STAC: variants seen among roughly 807,000 people sequenced by gnomAD.
STAC encodes SH3 and cysteine rich domain, also known as SH3 and cysteine-rich domain-containing protein.
STAC carries 43 observed loss-of-function variants against 48.8 expected under a neutral mutation model. The ratio of observed to expected loss-of-function variants is 0.88; its 90% confidence interval spans 0.69 to 1.14. The LOEUF (loss-of-function observed/expected upper bound fraction) is 1.14. Among genes scored for constraint, STAC ranks in the 50% most tolerant of loss-of-function variants. The probability of loss-of-function intolerance (pLI) is 0.00; values close to 1 mark genes in which losing one functional copy is unlikely to be tolerated. For synonymous variants in STAC, 193 were observed against 179.5 expected (o/e 1.07, Z -0.60); for missense variants, 497 against 504.0 (o/e 0.99, Z 0.13).
At chr3:36,519,919 A>G (rs1316820677) in intron 8 of STAC, among the ~76,000 whole-genome samples, 1 of 152,242 alleles carries the variant, frequency 6.6e-6, no homozygotes, top group Non-Finnish European at 1.5e-5. Context: ...AACTGACTAT[A>G]TTCCACCAGG....
rs1294345012 is a variant in STAC, at chr3:36,380,683, G to C, written c.40G>C (p.Gly14Arg). 1.9e-6 allele frequency: 3 copies of C among 1,608,898 alleles called. No individual in the cohort carries two copies. The African/African-American group carries it at 4.0e-5, about 21-fold the overall frequency. ...PSSPREDGVD[G>R]LPKEAVGAEQ... ...CAGCCCCCGCGAGGACGGCGTGGAC[G>C]GGCTGCCCAAGGAGGCGGTGGGCGC... Residue 14 changes from glycine to arginine, a missense_variant, in exon 1 of 11, where the codon GGG becomes CGG. Coordinates refer to ENST00000273183, the MANE Select transcript of STAC (RefSeq NM_003149.3).
chr3:36,420,019 T>C (rs1024116019), intron 1 of STAC, among the ~76,000 whole-genome samples: 4 of 152,230 alleles, frequency 2.6e-5, no homozygotes, highest in African/African-American at 7.2e-5. Flanking sequence ...CCATATGAAC[T>C]TTTTTCCTGA....
intron 2 of STAC, among the ~76,000 whole-genome samples, chr3:36,445,225 T>G (rs922658527): frequency 3.2e-4 from 48 of 152,160 alleles, no homozygotes; most frequent in Non-Finnish European, 6.8e-4. Context: ...ACAACAACAA[T>G]TTTGAAAGAC....
chr3:36,510,799 G>T (rs1189729663), intron 8 of STAC, among the ~76,000 whole-genome samples: 1 of 152,016 alleles, frequency 6.6e-6, no homozygotes, highest in Non-Finnish European at 1.5e-5. Flanking sequence ...ATACACTGGG[G>T]CCTGTTGGGG....
chr3:36,497,507 G>A (rs548605576), intron 6 of STAC, among the ~76,000 whole-genome samples: 183 of 152,254 alleles, frequency 1.2e-3, no homozygotes, highest in African/African-American at 4.3e-3. Flanking sequence ...CCTTAGCTTG[G>A]GAAATAATAG....
At chr3:36,512,708 T>C (rs557835192) in intron 8 of STAC, among the ~76,000 whole-genome samples, 10 of 152,138 alleles carry the variant, frequency 6.6e-5, no homozygotes, top group Non-Finnish European at 4.4e-5. Flanking sequence ...TTCAAGGCAA[T>C]CAGGACTATC....
At chr3:36,504,621 T>C (rs1470908827) in intron 7 of STAC, among the ~76,000 whole-genome samples, 164 bp downstream of exon 7, 3 of 152,252 alleles carry the variant, frequency 2.0e-5, no homozygotes, top group Non-Finnish European at 4.4e-5. Context: ...TAAACAGAAC[T>C]AGCACAGTGC....
intron 5 of STAC, 80 bp from the exon 6 acceptor site, chr3:36,493,071 C>T: frequency 7.3e-7 from 1 of 1,371,160 alleles, no homozygotes; most frequent in Non-Finnish European, 1.0e-6. Flanking sequence ...TCTACCTAAG[C>T]TCTCTTACAC....
chr3:36,527,330 G>A (rs563367545), intron 8 of STAC, among the ~76,000 whole-genome samples: 1 of 152,176 alleles, frequency 6.6e-6, no homozygotes, highest in South Asian at 2.1e-4. Flanking sequence ...CATCCATGAT[G>A]GAAAGCCACT....
chr3:36,391,630 T>C (rs186593935), intron 1 of STAC, among the ~76,000 whole-genome samples: 2 of 152,270 alleles, frequency 1.3e-5, no homozygotes, highest in Admixed American at 6.5e-5. Flanking sequence ...AGCTCCTCCA[T>C]AGAGAAGCAT....
At chr3:36,418,112 A>T (rs1700360422) in intron 1 of STAC, among the ~76,000 whole-genome samples, 1 of 152,046 alleles carries the variant, frequency 6.6e-6, no homozygotes, top group African/African-American at 2.4e-5. Context: ...TTTTCAATAA[A>T]CTAGTTCTTT....
At chr3:36,532,391 T>C (rs1699093584) in intron 10 of STAC, among the ~76,000 whole-genome samples, 1 of 152,214 alleles carries the variant, frequency 6.6e-6, no homozygotes, top group Non-Finnish European at 1.5e-5. Context: ...CTCTCTTTCA[T>C]CCAGTTGCTT....
At chr3:36,466,512 A>G (rs1447005939) in intron 2 of STAC, among the ~76,000 whole-genome samples, 3 of 152,202 alleles carry the variant, frequency 2.0e-5, no homozygotes, top group African/African-American at 7.2e-5. Flanking sequence ...TTTTCCCAAT[A>G]TTGATTAAAC....
At chr3:36,503,994 GCAGCT>G (rs1698339488) in intron 6 of STAC, among the ~76,000 whole-genome samples, 1 of 152,112 alleles carries the variant, frequency 6.6e-6, no homozygotes. Flanking sequence ...TTTAGAAGAG[GCAGCT>G]CAAATACAAC....
chr3:36,391,540 G>A (rs928318677), intron 1 of STAC, among the ~76,000 whole-genome samples: 1 of 152,126 alleles, frequency 6.6e-6, no homozygotes. Flanking sequence ...TATCATTCTT[G>A]ATTCAGCTGT....
intron 10 of STAC, among the ~76,000 whole-genome samples, chr3:36,539,365 C>G (rs950841308): frequency 2.6e-5 from 4 of 152,076 alleles, no homozygotes; most frequent in African/African-American, 9.6e-5. Context: ...CACCCTTCAC[C>G]CCCTAAAAGG....
intron 1 of STAC, 104 bp downstream of exon 1, chr3:36,380,858 CT>C: frequency 2.7e-6 from 2 of 749,638 alleles, no homozygotes; most frequent in Non-Finnish European, 4.2e-6. Context: ...GGGTCTGAGA[CT>C]TGCTAGTTAG....
chr3:36,523,020 A>G (rs1698843220), intron 8 of STAC, among the ~76,000 whole-genome samples: 1 of 152,182 alleles, frequency 6.6e-6, no homozygotes, highest in South Asian at 2.1e-4. Context: ...TGGTGGTGGA[A>G]GAGATGGTTC....
At chr3:36,391,456 A>G in intron 1 of STAC, among the ~76,000 whole-genome samples, 1 of 152,216 alleles carries the variant, frequency 6.6e-6, no homozygotes, top group East Asian at 1.9e-4. Context: ...TCGCCAGACC[A>G]ATATATCCTG....
Sources: allele counts gnomAD v4.1 joint callset (sites outside exome capture counted in the v4.1 genomes callset), GRCh38; gene constraint gnomAD v4.1.1; transcripts MANE v1.5; gene names NCBI Gene and HGNC (gene_info 2026-07-23, HGNC 2026-07-21).